The following ROBO1 variants were observed in gnomAD, a reference collection of about 807,000 sequenced individuals.
ROBO1 encodes roundabout homolog 1.
Under a neutral mutation model 195.9 loss-of-function variants are expected in ROBO1, and 149 were observed. The observed-to-expected ratio is 0.76, with a 90% CI of 0.67 to 0.87. The LOEUF (loss-of-function observed/expected upper bound fraction) is 0.87, where lower values mean the gene tolerates loss of function less well. ROBO1 is among the 40% of genes least tolerant of loss of function. The pLI is 0.00. For synonymous variants in ROBO1, 816 were observed against 733.2 expected, an observed-to-expected ratio of 1.11 and a Z score of -1.82; for missense variants, 1,933 against 2,068.3, an observed-to-expected ratio of 0.93 and a Z score of 1.27.
chr3:79,275,074 C>T (rs144267917), intron 2 of ROBO1, among the ~76,000 whole-genome samples: 355 of 152,052 alleles, frequency 2.3e-3, no homozygotes, highest in Non-Finnish European at 3.9e-3. Context: ...TAATACCAAT[C>T]CTACTTAAAC....
At chr3:79,323,924 G>A (rs1417977621) in intron 2 of ROBO1, among the ~76,000 whole-genome samples, 1 of 152,084 alleles carries the variant, frequency 6.6e-6, no homozygotes, top group African/African-American at 2.4e-5. Context: ...TAAATCCTAA[G>A]CATTTGCTCA....
chr3:79,113,108 A>G (rs1188613131), intron 3 of ROBO1, among the ~76,000 whole-genome samples: 2 of 152,102 alleles, frequency 1.3e-5, no homozygotes, highest in East Asian at 1.9e-4. Context: ...CAAAATATCA[A>G]ATTTATGTGC....
At chr3:78,970,387 C>G (rs573280733) in intron 3 of ROBO1, among the ~76,000 whole-genome samples, 1 of 152,056 alleles carries the variant, frequency 6.6e-6, no homozygotes, top group African/African-American at 2.4e-5. Flanking sequence ...TAGAATAATA[C>G]TACACTGCAG....
At chr3:79,735,892 A>C (rs1304083154) in intron 1 of ROBO1, among the ~76,000 whole-genome samples, 3 of 151,890 alleles carry the variant, frequency 2.0e-5, no homozygotes, top group African/African-American at 7.3e-5. Context: ...AAAAACAAAA[A>C]AAAAACAAAA....
intron 2 of ROBO1, among the ~76,000 whole-genome samples, chr3:79,332,439 CAA>C (rs1432801200): frequency 6.6e-6 from 1 of 152,146 alleles, no homozygotes; most frequent in Non-Finnish European, 1.5e-5. Flanking sequence ...TGCCATCAAA[CAA>C]GAGAAAAGAG....
chr3:79,290,998 C>T (rs2032209306), intron 2 of ROBO1, among the ~76,000 whole-genome samples: 1 of 152,128 alleles, frequency 6.6e-6, no homozygotes, highest in Non-Finnish European at 1.5e-5. Flanking sequence ...TATTATAAAC[C>T]TGCCCTCAGA....
At chr3:79,039,793 C>T (rs2078449585) in intron 3 of ROBO1, among the ~76,000 whole-genome samples, 1 of 292 alleles carries the variant, frequency 3.4e-3, no homozygotes, top group Non-Finnish European at 0.01. Context: ...CAAAGCAAGA[C>T]TCCGTCTCAA....
chr3:79,591,178 T>C (rs998363661), intron 1 of ROBO1, among the ~76,000 whole-genome samples: 1 of 151,980 alleles, frequency 6.6e-6, no homozygotes, highest in East Asian at 1.9e-4. Flanking sequence ...CCTAGTACTA[T>C]ATAAAAAGTA....
At chr3:79,294,794 T>G (rs1433246994) in intron 2 of ROBO1, among the ~76,000 whole-genome samples, 1 of 152,150 alleles carries the variant, frequency 6.6e-6, no homozygotes, top group African/African-American at 2.4e-5. Context: ...GCGAAGGATA[T>G]GAACAGACAC....
chr3:78,741,863 T>C (rs1472124750), intron 5 of ROBO1, among the ~76,000 whole-genome samples: 1 of 152,126 alleles, frequency 6.6e-6, no homozygotes, highest in African/African-American at 2.4e-5. Flanking sequence ...CAAACATCAT[T>C]TAAGGCCTCT....
At chr3:78,799,095 A>G (rs1475822118) in intron 4 of ROBO1, among the ~76,000 whole-genome samples, 1 of 152,146 alleles carries the variant, frequency 6.6e-6, no homozygotes, top group African/African-American at 2.4e-5. Context: ...ATGGTCCTGG[A>G]ATTCTTCTCT....
chr3:79,548,807 T>C (rs1394552771), intron 2 of ROBO1, among the ~76,000 whole-genome samples: 1 of 152,176 alleles, frequency 6.6e-6, no homozygotes, highest in Admixed American at 6.5e-5. Context: ...CACAAATAGA[T>C]ACTCTCTCTT....
At chr3:79,098,852 C>T (rs937487992) in intron 3 of ROBO1, among the ~76,000 whole-genome samples, 3 of 151,382 alleles carry the variant, frequency 2.0e-5, no homozygotes, top group Admixed American at 6.6e-5. Context: ...CGAAGATGGC[C>T]GACAGATGAA....
rs555013272 is a variant in ROBO1, at chr3:79,341,595, T to A, written c.89-216056A>T. 4.6e-5 allele frequency among the ~76,000 whole-genome samples: 7 copies of A among 152,132 alleles called. No individual in the cohort carries two copies. The East Asian group carries it at 1.4e-3, about 29-fold the overall frequency. On this transcript the variant is annotated intron_variant, in intron 2 of 30. Transcript: ENST00000464233. ...CTGGCCTCAAGCAATCCTCCCAAGTTAGCCTCCCAGTTAGCTGGGATTACA... is the reference window on the plus strand; with the variant it reads ...CTGGCCTCAAGCAATCCTCCCAAGTAAGCCTCCCAGTTAGCTGGGATTACA...
At chr3:79,348,246 G>A (rs998765138) in intron 2 of ROBO1, among the ~76,000 whole-genome samples, 2 of 150,186 alleles carry the variant, frequency 1.3e-5, no homozygotes, top group African/African-American at 4.9e-5. Context: ...GATGCTGTAA[G>A]TGGAAGAGAC....
Position 78,635,977 on chromosome 3 carries a change from T to G in ROBO1, c.3169A>C (p.Asn1057His), listed in dbSNP as rs1307195779. The change falls in exon 23 of 31, where the codon AAT becomes CAT. Residue 1057 changes from asparagine to histidine, a missense_variant. Transcript: ENST00000464233. ...INEMKTFNSPNLKDGRFVNPS... is the reference protein window; with the variant it reads ...INEMKTFNSPHLKDGRFVNPS... ...TTGACAAAACGCCCATCCTTCAGAT[T>G]TGGGCTATTGAAGGTTTTCATCTCA... 1 of 1,613,888 alleles carries G rather than the reference T, an allele frequency of 6.2e-7. No homozygotes were observed. Among genetic ancestry groups the G allele is most frequent in the Non-Finnish European group, 8.5e-7 (1 of 1,179,838 alleles).
In ROBO1 at chr3:79,382,943, G is replaced by A. The variant is rs1233181103; in HGVS notation, c.88+206881C>T. 3.3e-5 allele frequency among the ~76,000 whole-genome samples: 5 copies of A among 152,178 alleles called. No individual in the cohort carries two copies. In the East Asian group the frequency reaches 9.7e-4, roughly 29 times the overall value. On this transcript the variant is annotated intron_variant, in intron 2 of 30. Transcript: ENST00000464233. Reference sequence around the variant, plus strand: ...GAATCTATCTCCTAAGAAACAGAAAGGGGAAACAGCTCTGTGGAGGATTCA... The same window carrying A: ...GAATCTATCTCCTAAGAAACAGAAAAGGGAAACAGCTCTGTGGAGGATTCA...
In ROBO1 at chr3:79,573,445, A is replaced by G. The variant is rs73849617; in HGVS notation, c.88+16379T>C. 8.3e-3 allele frequency among the ~76,000 whole-genome samples: 1,262 copies of G among 152,312 alleles called. 15 individuals carry two copies. Among genetic ancestry groups the G allele is most frequent in the African/African-American group, 0.028 (1,149 of 41,564 alleles). Reference sequence around the variant, plus strand: ...TGTATTATTTGTCACCAGAAATTAAAGATACAGTAGATTAGATATATGACA... The same window carrying G: ...TGTATTATTTGTCACCAGAAATTAAGGATACAGTAGATTAGATATATGACA... On this transcript the variant is annotated intron_variant, in intron 2 of 30. Coordinates refer to ENST00000464233, the MANE Select transcript of ROBO1 (RefSeq NM_002941.4).
intron 1 of ROBO1, among the ~76,000 whole-genome samples, chr3:79,639,088 C>T (rs1945580963): frequency 6.6e-6 from 1 of 152,100 alleles, no homozygotes; most frequent in Non-Finnish European, 1.5e-5. Context: ...GAGTTTCTAT[C>T]AAAATTTTAA....
Sources: allele counts gnomAD v4.1 joint callset (sites outside exome capture counted in the v4.1 genomes callset), GRCh38; gene constraint gnomAD v4.1.1; transcripts MANE v1.5; gene names NCBI Gene and HGNC (gene_info 2026-07-23, HGNC 2026-07-21).